SNAI3: variants seen among roughly 807,000 people sequenced by gnomAD.
The protein encoded by SNAI3 is snail family transcriptional repressor 3, also known as zinc finger protein SNAI3.
In SNAI3, 21 loss-of-function variants were observed where a neutral mutation model predicts 16.4. The observed-to-expected ratio is 1.28, with a 90% CI of 0.91 to 1.85. The LOEUF (loss-of-function observed/expected upper bound fraction) is 1.85, where lower values mean the gene tolerates loss of function less well. SNAI3 is among the 40% of genes most tolerant of loss of function. The probability of loss-of-function intolerance (pLI) is 0.00; values close to 1 mark genes in which losing one functional copy is unlikely to be tolerated. For missense variants in SNAI3, 457 were observed against 372.8 expected, an observed-to-expected ratio of 1.23 and a Z score of -1.86; for synonymous variants, 202 against 166.6, an observed-to-expected ratio of 1.21 and a Z score of -1.64.
At chr16:88,679,909 C>T (rs145869602) in intron 2 of SNAI3, among the ~76,000 whole-genome samples, 2,041 of 151,778 alleles carry the variant, frequency 0.013, 35 homozygotes, top group Non-Finnish European at 0.019. Flanking sequence ...GCGAGACCCC[C>T]GTTTCTACAA....
In SNAI3 at chr16:88,681,376, GTTT is replaced by G; in HGVS notation, c.412_414del (p.Lys138del). ...CGGGGCATCCGCTCAGCCCCAAGCA[GTTT>G]TTCCGGAGCCCCGTGCCGGTCTGGG... is the stretch of plus-strand genomic sequence containing the variant. On this transcript the variant is annotated inframe_deletion, in exon 2 of 3. Transcript: ENST00000332281. The surrounding 1 kb of genome is among the most constrained non-coding windows in gnomAD (Gnocchi z 5.4). 2 of 1,612,582 alleles carry G rather than the reference GTTT, an allele frequency of 1.2e-6. No individual in the cohort carries two copies. Among genetic ancestry groups the G allele is most frequent in the Non-Finnish European group, 1.7e-6 (2 of 1,179,344 alleles).
chr16:88,686,068 G>A (rs1481167760), intron 1 of SNAI3: 1 of 496,136 alleles, frequency 2.0e-6, no homozygotes, highest in Non-Finnish European at 3.6e-6. Flanking sequence ...GGAGACTTGG[G>A]GGCTTAGAAA....
chr16:88,684,500 T>C (rs927027214), intron 1 of SNAI3, among the ~76,000 whole-genome samples: 1 of 152,096 alleles, frequency 6.6e-6, no homozygotes, highest in African/African-American at 2.4e-5. Context: ...CACTGTTTTG[T>C]TTTGTTTTGT....
Position 88,681,699 on chromosome 16 carries a change from C to G in SNAI3, c.92G>C (p.Cys31Ser). The change falls in exon 2 of 3, where the codon TGC becomes TCC. Residue 31 changes from cysteine (C) to serine (S), a missense_variant. Physicochemically the swap from Cys to Ser is moderately radical, Grantham distance 112. Coordinates refer to ENST00000332281, the MANE Select transcript of SNAI3 (RefSeq NM_178310.4). The surrounding 1 kb of genome is among the most constrained non-coding windows in gnomAD (Gnocchi z 5.4). ...CACCACCAGCCCCCCACAGGCAGAGCAGGCACCATTGATTTCTAGAGGGGT... is the reference window on the plus strand; with the variant it reads ...CACCACCAGCCCCCCACAGGCAGAGGAGGCACCATTGATTTCTAGAGGGGT... ...LETQREINGA[C>S]SACGGLVVPL... 5 of 1,461,122 alleles carry G rather than the reference C, an allele frequency of 3.4e-6. No homozygotes were observed. Among genetic ancestry groups the G allele is most frequent in the Non-Finnish European group, 4.5e-6 (5 of 1,103,264 alleles). The allele number at this position is 1,461,122 out of a possible 1,614,324, so 90.5% of individuals were successfully genotyped here. A position where few individuals can be genotyped will look rare whatever the true frequency, so the allele number is the denominator to read the frequency against.
intron 1 of SNAI3, among the ~76,000 whole-genome samples, chr16:88,683,551 GC>G (rs1213967090): frequency 2.2e-5 from 3 of 136,954 alleles, no homozygotes; most frequent in African/African-American, 2.8e-5. Context: ...ACTGCGCCTG[GC>G]CTTTTTTTTT....
rs200898270 is a variant in SNAI3, at chr16:88,678,531, G to A, written c.796C>T (p.Arg266Trp). ...LQTHSDAKKYRCRRCTKTFSR... is the reference protein window; with the variant it reads ...LQTHSDAKKYWCRRCTKTFSR... ...AAGGTCTTGGTGCAGCGCCGGCACC[G>A]GTACTTCTTGGCGTCTGAGTGCGTT... The change falls in exon 3 of 3, where the codon CGG becomes TGG. Residue 266 changes from arginine (R) to tryptophan (W), a missense_variant. Physicochemically the swap from Arg to Trp is moderately radical, Grantham distance 101. Coordinates refer to ENST00000332281, the MANE Select transcript of SNAI3 (RefSeq NM_178310.4). The A allele has an allele frequency of 2.1e-4, 166 of 795,092 alleles. No individual in the cohort carries two copies. Among genetic ancestry groups the A allele is most frequent in the East Asian group, 4.1e-4 (17 of 41,318 alleles). 49.3% of individuals were successfully genotyped at this position (795,092 alleles called of 1,614,324 possible). A position where few individuals can be genotyped will look rare whatever the true frequency, so the allele number is the denominator to read the frequency against.
chr16:88,679,775 A>AAAAAAAAAAAAAAAAAAAAAAAG (rs1555545688), intron 2 of SNAI3, among the ~76,000 whole-genome samples: 1 of 106,588 alleles, frequency 9.4e-6, no homozygotes, highest in Non-Finnish European at 1.8e-5. Flanking sequence ...AAAAAAAAAA[A>AAAAAAAAAAAAAAAAAAAAAAAG]AAAAAAAGAA....
intron 1 of SNAI3, among the ~76,000 whole-genome samples, chr16:88,682,425 A>G (rs1450184023): frequency 6.6e-6 from 1 of 152,214 alleles, no homozygotes. Context: ...GGGCTGGCAC[A>G]CTGCACACCA....
chr16:88,681,696 G>C lies in SNAI3; in HGVS notation c.95C>G (p.Ser32Cys). 1 of 1,465,784 alleles carries C rather than the reference G, an allele frequency of 6.8e-7. No homozygotes were observed. The highest frequency in any genetic ancestry group is 9.0e-7 in the Non-Finnish European group (1 of 1,105,710). The allele number at this position is 1,465,784 out of a possible 1,614,324, so 90.8% of individuals were successfully genotyped here. Residue 32 changes from serine to cysteine, a missense_variant, in exon 2 of 3, where the codon TCT becomes TGT. Physicochemically the swap from Ser to Cys is moderately radical, Grantham distance 112. Coordinates refer to ENST00000332281, the MANE Select transcript of SNAI3 (RefSeq NM_178310.4). This position sits in a 1 kb window ranked among gnomAD's most constrained non-coding sequence, Gnocchi z 5.4. ...GGGCACCACCAGCCCCCCACAGGCA[G>C]AGCAGGCACCATTGATTTCTAGAGG... ...ETQREINGAC[S>C]ACGGLVVPLL...
rs142916652 is a variant in SNAI3 at position 88,681,280 on chromosome 16, G to A, written c.511C>T (p.Arg171Trp). The A allele has an allele frequency of 3.3e-5, 53 of 1,613,336 alleles. No homozygotes were observed. The highest frequency in any genetic ancestry group is 5.0e-5 in the Admixed American group (3 of 60,030). ...ACCTGCAGGTGGCAGTGCAGCTGCC[G>A]GTGCCTGGCCAGCCCGGCCAGCGTG... Reference protein sequence around the residue: ...YHTLAGLARHRQLHCHLQVGR... With the variant: ...YHTLAGLARHWQLHCHLQVGR... Residue 171 changes from arginine (R) to tryptophan (W), a missense_variant, in exon 2 of 3, where the codon CGG becomes TGG. Coordinates refer to ENST00000332281, the MANE Select transcript of SNAI3 (RefSeq NM_178310.4). This position sits in a 1 kb window ranked among gnomAD's most constrained non-coding sequence, Gnocchi z 5.4.
chr16:88,679,832 C>CACTTT (rs989350417), intron 2 of SNAI3, among the ~76,000 whole-genome samples: 3 of 150,238 alleles, frequency 2.0e-5, no homozygotes, highest in Non-Finnish European at 4.4e-5. Context: ...GTAATCCCAG[C>CACTTT]ACTTTGGGAG....
chr16:88,684,492 C>CTGTTTTGTTT (rs554027672), intron 1 of SNAI3, among the ~76,000 whole-genome samples: 1 of 152,078 alleles, frequency 6.6e-6, no homozygotes, highest in African/African-American at 2.4e-5. Flanking sequence ...GGAGAAGACA[C>CTGTTTTGTTT]TGTTTTGTTT....
In SNAI3 at chr16:88,678,501, G is replaced by A. The variant is rs749717935; in HGVS notation, c.826C>T (p.Arg276Cys). Residue 276 changes from arginine to cysteine, a missense_variant, in exon 3 of 3, where the codon CGC becomes TGC. By Grantham distance (180) the Arg-to-Cys change is radical. Transcript: ENST00000332281. ...RCRRCTKTFS[R>C]MSLLARHEES... is the part of the protein sequence containing the mutation. The stretch of plus-strand genomic sequence containing the variant: ...TCATGCCGCGCCAGGAGGGACATGC[G>A]GGAGAAGGTCTTGGTGCAGCGCCGG... 12 of 783,280 alleles carry A rather than the reference G, an allele frequency of 1.5e-5. No individual in the cohort carries two copies. The highest frequency in any genetic ancestry group is 1.9e-5 in the Non-Finnish European group (8 of 423,454). 48.5% of individuals were successfully genotyped at this position (783,280 alleles called of 1,614,324 possible).
rs1236318743 is a variant in SNAI3, at chr16:88,678,551, T to C, written c.776A>G (p.His259Arg). 1 of 816,914 alleles carries C rather than the reference T, an allele frequency of 1.2e-6. No individual in the cohort carries two copies. The highest frequency in any genetic ancestry group is 2.4e-5 in the East Asian group (1 of 41,400). 50.6% of individuals were successfully genotyped at this position (816,914 alleles called of 1,614,324 possible). ...GCACCGGTACTTCTTGGCGTCTGAGTGCGTTTGCAGATGGGCCCGAAGGTT... is the reference window on the plus strand; with the variant it reads ...GCACCGGTACTTCTTGGCGTCTGAGCGCGTTTGCAGATGGGCCCGAAGGTT... ...RSNLRAHLQT[H>R]SDAKKYRCRR... The change falls in exon 3 of 3, where the codon CAC (histidine) becomes CGC (arginine). Residue 259 changes from histidine (H) to arginine (R), a missense_variant. His to Arg is a conservative substitution (Grantham distance 29, BLOSUM62 0). Coordinates refer to ENST00000332281, the MANE Select transcript of SNAI3 (RefSeq NM_178310.4).
rs774878680 is a variant in SNAI3, at chr16:88,678,213, C to T, written c.*235G>A. ...CTCTTGTTCTGATGAAAGCCTTCCC[C>T]GGGAGAGGAGTCTCCTCTGAGTGGG... On this transcript the variant is annotated 3_prime_UTR_variant, in exon 3 of 3. Transcript: ENST00000332281. The T allele has an allele frequency of 8.5e-6, 4 of 470,630 alleles. No homozygotes were observed. The highest frequency in any genetic ancestry group is 6.8e-5 in the South Asian group (2 of 29,492). The allele number at this position is 470,630 out of a possible 1,614,324, so 29.2% of individuals were successfully genotyped here. A position where few individuals can be genotyped will look rare whatever the true frequency, so the allele number is the denominator to read the frequency against.
At chr16:88,684,049 C>G (rs1484558041) in intron 1 of SNAI3, among the ~76,000 whole-genome samples, 1 of 152,180 alleles carries the variant, frequency 6.6e-6, no homozygotes. Flanking sequence ...TTCAAAGGAA[C>G]GCCTCCCATC....
Position 88,686,461 on chromosome 16 carries a change from G to T in SNAI3, c.-55C>A, listed in dbSNP as rs1413381758. The T allele has an allele frequency of 8.8e-6, 14 of 1,585,102 alleles. 1 individual carries two copies. The highest frequency in any genetic ancestry group is 3.5e-4 in the Middle Eastern group (2 of 5,694). ...GGCTGGGGCGGGAGGGGCGCGCCTG[G>T]GTCCGGACTGCTGCGTCCGCCGGCG... On this transcript the variant is annotated 5_prime_UTR_variant, in exon 1 of 3. Transcript: ENST00000332281.
chr16:88,678,242 C>T lies in SNAI3; in HGVS notation c.*206G>A, dbSNP rs552020500. 485 of 554,080 alleles carry T rather than the reference C, an allele frequency of 8.8e-4. 2 individuals are homozygous for T. Among genetic ancestry groups the T allele is most frequent in the African/African-American group, 8.6e-3 (452 of 52,264 alleles). The allele number at this position is 554,080 out of a possible 1,614,324, so 34.3% of individuals were successfully genotyped here. ...AGAGGAGTCTCCTCTGAGTGGGCTCCGCGCGGTGGGATGCCTGGGGGAGTG... is the reference window on the plus strand; with the variant it reads ...AGAGGAGTCTCCTCTGAGTGGGCTCTGCGCGGTGGGATGCCTGGGGGAGTG... On this transcript the variant is annotated 3_prime_UTR_variant, in exon 3 of 3. Transcript: ENST00000332281.
chr16:88,686,246 A>T, intron 1 of SNAI3, 85 bp downstream of exon 1: 1 of 1,498,158 alleles, frequency 6.7e-7, no homozygotes, highest in Middle Eastern at 1.8e-4. Flanking sequence ...GTGTCTCCCC[A>T]GCCCCCGCTC....
Sources: allele counts gnomAD v4.1 joint callset (sites outside exome capture counted in the v4.1 genomes callset), GRCh38; gene constraint gnomAD v4.1.1; non-coding constraint Gnocchi (gnomAD v3.1); transcripts MANE v1.5; gene names NCBI Gene and HGNC (gene_info 2026-07-23, HGNC 2026-07-21).